Variants in NACA observed in about 807,000 individuals in gnomAD.
NACA encodes the protein nascent polypeptide associated complex subunit alpha, also known as nascent polypeptide-associated complex subunit alpha.
In NACA, 42 loss-of-function variants were observed where a neutral mutation model predicts 86.4. The ratio of observed to expected loss-of-function variants is 0.49; its 90% confidence interval spans 0.38 to 0.63. NACA has a LOEUF of 0.63. NACA is among the 20% of genes least tolerant of loss of function. The pLI, the probability that NACA is intolerant of heterozygous loss-of-function variation, is 0.00. For synonymous variants in NACA, 898 were observed against 973.7 expected, an observed-to-expected ratio of 0.92 and a Z score of 1.45; for missense variants, 2,157 against 2,483.6, an observed-to-expected ratio of 0.87 and a Z score of 2.80.
rs774841395 is a variant in NACA, at chr12:56,714,599, C to CA, written c.5745+2dup. 2.5e-6 allele frequency: 4 copies of CA among 1,614,086 alleles called. No homozygotes were observed. The East Asian group carries it at 8.9e-5, about 36-fold the overall frequency. On this transcript the variant is annotated splice_region_variant and intron_variant, in intron 4 of 8. Transcript: ENST00000454682. ...CAATACCAGTTAGTAAGAGAATACCCACCTGGGCTTGTTGTGTGGTTGCCT... is the reference window on the plus strand; with the variant it reads ...CAATACCAGTTAGTAAGAGAATACCCAACCTGGGCTTGTTGTGTGGTTGCCT...
chr12:56,721,194 G>A lies in NACA; in HGVS notation c.336C>T (p.Ser112=). ...FLPNLIGPPI[S]PAALALASPM... The stretch of plus-strand genomic sequence containing the variant: ...GAGAGGCTAGAGCTAAGGCAGCTGG[G>A]GAGATGGGAGGCCCTATTAGGTTTG... The change falls in exon 3 of 9, where the codon TCC becomes TCT. Residue 112 remains serine (S), a synonymous_variant. Coordinates refer to ENST00000454682, the MANE Select transcript of NACA (RefSeq NM_001365896.1). 1.2e-6 allele frequency: 2 copies of A among 1,613,938 alleles called. No individual in the cohort carries two copies. Among genetic ancestry groups the A allele is most frequent in the Non-Finnish European group, 1.7e-6 (2 of 1,179,874 alleles).
At chr12:56,721,780 T>C (rs1953582969) in intron 2 of NACA, among the ~76,000 whole-genome samples, 1 of 152,196 alleles carries the variant, frequency 6.6e-6, no homozygotes, top group Non-Finnish European at 1.5e-5. Context: ...AGACTCTTGG[T>C]AGGTTGAGAA....
Position 56,719,551 on chromosome 12 carries a change from G to A in NACA, c.1979C>T (p.Pro660Leu). The A allele has an allele frequency of 1.2e-6, 2 of 1,613,938 alleles. No individual in the cohort carries two copies. The highest frequency in any genetic ancestry group is 8.5e-7 in the Non-Finnish European group (1 of 1,179,874). The change falls in exon 3 of 9, where the codon CCC becomes CTC. Residue 660 changes from proline (P) to leucine (L), a missense_variant. Pro to Leu is a moderately conservative substitution (Grantham distance 98, BLOSUM62 -3). Coordinates refer to ENST00000454682, the MANE Select transcript of NACA (RefSeq NM_001365896.1). Reference sequence around the variant, plus strand: ...AGTTGAGGTACCTTTGGCAGTTGTGGGAGCCACCCCGGCAGGGTCAGCACT... The same window carrying A: ...AGTTGAGGTACCTTTGGCAGTTGTGAGAGCCACCCCGGCAGGGTCAGCACT... The part of the protein sequence containing the change: ...LESADPAGVA[P>L]TTAKGTSTYT...
At chr12:56,715,628 G>C (rs2926748) in intron 3 of NACA, among the ~76,000 whole-genome samples, 88,950 of 151,750 alleles carry the variant, frequency 0.59, 27,205 homozygotes, top group South Asian at 0.74. Context: ...AGGGTAGTCC[G>C]GGCCACATTA....
Position 56,716,268 on chromosome 12 carries a change from A to G in NACA, c.5262T>C (p.Ala1754=). The change falls in exon 3 of 9, where the codon GCT becomes GCC. Residue 1754 remains alanine (A), a synonymous_variant. Transcript: ENST00000454682. The part of the protein sequence containing the change: ...DSSKTAKGKD[A]SHSPKGPLAP... The stretch of plus-strand genomic sequence containing the variant: ...CCAAGGGGCCCTTTGGGGAATGAGA[A>G]GCATCTTTGCCTTTTGCTGTCTTTG... 1.2e-6 allele frequency: 2 copies of G among 1,613,588 alleles called. No individual in the cohort carries two copies. The highest frequency in any genetic ancestry group is 1.7e-6 in the Non-Finnish European group (2 of 1,179,846).
In NACA at chr12:56,717,439, G is replaced by T; in HGVS notation, c.4091C>A (p.Ser1364Tyr). 1 of 1,393,384 alleles carries T rather than the reference G, an allele frequency of 7.2e-7. No homozygotes were observed. Among genetic ancestry groups the T allele is most frequent in the Non-Finnish European group, 9.5e-7 (1 of 1,047,412 alleles). The allele number at this position is 1,393,384 out of a possible 1,614,324, so 86.3% of individuals were successfully genotyped here. A position where few individuals can be genotyped will look rare whatever the true frequency, so the allele number is the denominator to read the frequency against. The change falls in exon 3 of 9, where the codon TCC becomes TAC. Residue 1364 changes from serine to tyrosine, a missense_variant. By Grantham distance (144) the Ser-to-Tyr change is moderately radical (BLOSUM62 -2). This residue lies in a region of NACA where 797 missense variants were observed against 777.6 expected (regional missense o/e 1.02). Transcript: ENST00000454682. ...PSSKGGPTTP[S>Y]SKEGPTPPAA... ...TGGGGGAGTGGGGCCCTCTTTGGAG[G>T]ATGGAGTAGTTGGGCCTCCTTTAGA... is the stretch of plus-strand genomic sequence containing the variant.
In NACA at chr12:56,716,101, A is replaced by G. The variant is rs1953350435; in HGVS notation, c.5429T>C (p.Leu1810Pro). The G allele has an allele frequency of 6.2e-7, 1 of 1,613,484 alleles. No homozygotes were observed. Among genetic ancestry groups the G allele is most frequent in the Non-Finnish European group, 8.5e-7 (1 of 1,179,710 alleles). The change falls in exon 3 of 9, where the codon CTG (leucine) becomes CCG (proline). Residue 1810 changes from leucine to proline, a missense_variant. Leu to Pro is a moderately conservative substitution (Grantham distance 98, BLOSUM62 -3). Transcript: ENST00000454682. ...CGGCAGAAATTGCTGTTTAGGAGGC[A>G]GAGTGGGAACTGGGGAGGGAGCAAG... ...LPLAPSPVPTLPPKQQFLPSS... is the reference protein window; with the variant it reads ...LPLAPSPVPTPPPKQQFLPSS...
At chr12:56,713,716 C>T (rs1565891535) in intron 5 of NACA, 33 bp from the exon 6 acceptor site, 3 of 1,607,498 alleles carry the variant, frequency 1.9e-6, no homozygotes, top group Admixed American at 1.7e-5. Context: ...AGGTTTTCAA[C>T]CTCTTTAGAA....
rs758023969 is a variant in NACA, at chr12:56,721,328, G to C, written c.202C>G (p.Pro68Ala). 6.2e-7 allele frequency: 1 copy of C among 1,611,274 alleles called. No individual in the cohort carries two copies. Among genetic ancestry groups the C allele is most frequent in the East Asian group, 2.2e-5 (1 of 44,860 alleles). Reference protein sequence around the residue: ...LSAANQASPFPSPSTIASTPL... With the variant: ...LSAANQASPFASPSTIASTPL... ...GTCGAGGCAATAGTAGAGGGGGAAG[G>C]GAATGGGGAAGCCTGGTTAGCAGCT... Residue 68 changes from proline (P) to alanine (A), a missense_variant, in exon 3 of 9, where the codon CCT becomes GCT. This residue lies in a region of NACA where 947 missense variants were observed against 917.9 expected (regional missense o/e 1.03). Coordinates refer to ENST00000454682, the MANE Select transcript of NACA (RefSeq NM_001365896.1).
rs371239609 is a variant in NACA at position 56,716,750 on chromosome 12, G to A, written c.4780C>T (p.Pro1594Ser). The change falls in exon 3 of 9, where the codon CCA (proline) becomes TCA (serine). Residue 1594 changes from proline to serine, a missense_variant. By Grantham distance (74) the Pro-to-Ser change is moderately conservative. Coordinates refer to ENST00000454682, the MANE Select transcript of NACA (RefSeq NM_001365896.1). ...GGAATGAGGAGCTCTTTGGGGGATG[G>A]GGCCCCTTTGTAAGTGGAAGGAGTC... is the stretch of plus-strand genomic sequence containing the variant. ...AVTPSTYKGA[P>S]SPKELLIPPA... 1 of 1,382,356 alleles carries A rather than the reference G, an allele frequency of 7.2e-7. No homozygotes were observed. The highest frequency in any genetic ancestry group is 1.3e-5 in the South Asian group (1 of 77,306). 85.6% of individuals were successfully genotyped at this position (1,382,356 alleles called of 1,614,324 possible). A position where few individuals can be genotyped will look rare whatever the true frequency, so the allele number is the denominator to read the frequency against.
chr12:56,721,098 G>A lies in NACA; in HGVS notation c.432C>T (p.Pro144=). The change falls in exon 3 of 9, where the codon CCC becomes CCT. Residue 144 remains proline, a synonymous_variant. Transcript: ENST00000454682. ...SAPLALVALA[P]HSVQKSSAFP... is the part of the protein sequence containing the mutation. ...AAGCAGAACTCTTCTGAACTGAGTG[G>A]GGAGCCAGGGCAACCAGAGCTAAGG... The A allele has an allele frequency of 6.2e-7, 1 of 1,613,850 alleles. No individual in the cohort carries two copies.
Position 56,721,099 on chromosome 12 carries a change from G to A in NACA, c.431C>T (p.Pro144Leu). The change falls in exon 3 of 9, where the codon CCC becomes CTC. Residue 144 changes from proline to leucine, a missense_variant. By Grantham distance (98) the Pro-to-Leu change is moderately conservative. Coordinates refer to ENST00000454682, the MANE Select transcript of NACA (RefSeq NM_001365896.1). The stretch of plus-strand genomic sequence containing the variant: ...AGCAGAACTCTTCTGAACTGAGTGG[G>A]GAGCCAGGGCAACCAGAGCTAAGGG... ...SAPLALVALA[P>L]HSVQKSSAFP... The A allele has an allele frequency of 6.2e-7, 1 of 1,613,864 alleles. No individual in the cohort carries two copies. Among genetic ancestry groups the A allele is most frequent in the South Asian group, 1.1e-5 (1 of 91,086 alleles).
chr12:56,720,093 G>A lies in NACA; in HGVS notation c.1437C>T (p.Ser479=). 1 of 1,613,942 alleles carries A rather than the reference G, an allele frequency of 6.2e-7. No homozygotes were observed. The highest frequency in any genetic ancestry group is 8.5e-7 in the Non-Finnish European group (1 of 1,179,884). ...CAGGTGCCATAACCAAGGCAGCAGG[G>A]GAAGTTGGTTCTATGTTACTTATGG... ...SGPISNIEPT[S]PAALVMAPVA... is the part of the protein sequence containing the mutation. Residue 479 remains serine (S), a synonymous_variant, in exon 3 of 9, where the codon TCC becomes TCT. Transcript: ENST00000454682.
chr12:56,716,418 T>C lies in NACA; in HGVS notation c.5112A>G (p.Pro1704=), dbSNP rs1565893591. The C allele has an allele frequency of 6.3e-7, 1 of 1,598,026 alleles. No homozygotes were observed. The part of the protein sequence containing the change: ...PIITAPTRKG[P]QTKKSSATSP... ...AAGTAGCAGAACTCTTTTTGGTCTG[T>C]GGACCTTTCCGAGTGGGAGCTGTGA... Residue 1704 remains proline, a synonymous_variant, in exon 3 of 9, where the codon CCA becomes CCG. Coordinates refer to ENST00000454682, the MANE Select transcript of NACA (RefSeq NM_001365896.1).
In NACA at chr12:56,716,660, G is replaced by A; in HGVS notation, c.4870C>T (p.Pro1624Ser). Residue 1624 changes from proline (P) to serine (S), a missense_variant, in exon 3 of 9, where the codon CCC (proline) becomes TCC (serine). Physicochemically the swap from Pro to Ser is moderately conservative, Grantham distance 74. Around this residue, in one of 8 missense-constraint regions of NACA, gnomAD observed 797 missense variants for 777.6 expected, o/e 1.02. Coordinates refer to ENST00000454682, the MANE Select transcript of NACA (RefSeq NM_001365896.1). Reference sequence around the variant, plus strand: ...GCTGGAGTTGCTGGGCCCTTTTCGGGGGATGGAGGAGTCACAGCTGGAGGA... The same window carrying A: ...GCTGGAGTTGCTGGGCCCTTTTCGGAGGATGGAGGAGTCACAGCTGGAGGA... ...PTPPAVTPPS[P>S]EKGPATPAPK... 7.0e-7 allele frequency: 1 copy of A among 1,436,054 alleles called. No individual in the cohort carries two copies. Among genetic ancestry groups the A allele is most frequent in the Non-Finnish European group, 9.4e-7 (1 of 1,067,410 alleles). 89.0% of individuals were successfully genotyped at this position (1,436,054 alleles called of 1,614,324 possible).
Position 56,717,312 on chromosome 12 carries a change from T to G in NACA, c.4218A>C (p.Ala1406=). Residue 1406 remains alanine, a synonymous_variant, in exon 3 of 9, where the codon GCA becomes GCC. Transcript: ENST00000454682. ...PSPKGDPTSP[A]VIPLSPKKAP... is the part of the protein sequence containing the mutation. ...CCTTTTTGGGGGAGAGAGGAATCAC[T>G]GCTGGGGAAGTGGGGTCCCCTTTGG... The G allele has an allele frequency of 1.5e-6, 2 of 1,340,440 alleles. No individual in the cohort carries two copies. Among genetic ancestry groups the G allele is most frequent in the South Asian group, 1.4e-5 (1 of 73,334 alleles). 83.0% of individuals were successfully genotyped at this position (1,340,440 alleles called of 1,614,324 possible). A position where few individuals can be genotyped will look rare whatever the true frequency, so the allele number is the denominator to read the frequency against.
intron 3 of NACA, 61 bp downstream of exon 3, chr12:56,715,810 A>T: frequency 7.1e-7 from 1 of 1,399,366 alleles, no homozygotes; most frequent in Non-Finnish European, 9.6e-7. Flanking sequence ...ATTGGTGGGT[A>T]GCGCCCAAGA....
At chr12:56,722,328 G>C (rs552351428) in intron 2 of NACA, among the ~76,000 whole-genome samples, 31 of 152,316 alleles carry the variant, frequency 2.0e-4, no homozygotes, top group Non-Finnish European at 4.6e-4. Context: ...TTACTCACAA[G>C]GGTAGGGACT....
chr12:56,719,611 A>G lies in NACA; in HGVS notation c.1919T>C (p.Leu640Pro), dbSNP rs1953513554. 2 of 1,613,778 alleles carry G rather than the reference A, an allele frequency of 1.2e-6. No individual in the cohort carries two copies. The highest frequency in any genetic ancestry group is 2.2e-5 in the South Asian group (2 of 91,082). The stretch of plus-strand genomic sequence containing the variant: ...AAATGCAGCCACTGTTGGGGTAATG[A>G]GAGAACTTTTGAGAAGCGGACCAGC... ...DSAGPLLKSSLITPTVAAFPL... is the reference protein window; with the variant it reads ...DSAGPLLKSSPITPTVAAFPL... Residue 640 changes from leucine (L) to proline (P), a missense_variant, in exon 3 of 9, where the codon CTC becomes CCC. By Grantham distance (98) the Leu-to-Pro change is moderately conservative (BLOSUM62 -3). Around this residue, in one of 8 missense-constraint regions of NACA, gnomAD observed 947 missense variants for 917.9 expected, o/e 1.03. Transcript: ENST00000454682.
Sources: gnomAD v4.1 joint callset for allele counts (sites outside exome capture counted in the v4.1 genomes callset) on GRCh38, gnomAD v4.1.1 for gene constraint, gnomAD v4.1.1 regional missense constraint, MANE v1.5 for transcripts, NCBI Gene and HGNC (gene_info 2026-07-23, HGNC 2026-07-21) for gene names.